Variants in RNF144A observed in about 807,000 individuals in gnomAD.
RNF144A encodes E3 ubiquitin-protein ligase RNF144A.
RNF144A carries 11 observed loss-of-function variants against 38.7 expected under a neutral mutation model. The ratio of observed to expected loss-of-function variants is 0.28; its 90% CI spans 0.18 to 0.47. The LOEUF is 0.47. Among genes scored for constraint, RNF144A ranks in the 20% least tolerant of loss-of-function variants. The probability of loss-of-function intolerance (pLI) is 0.99; values close to 1 mark genes in which losing one functional copy is unlikely to be tolerated. For synonymous variants in RNF144A, 149 were observed against 143.9 expected (o/e 1.04, Z -0.25); for missense variants, 316 against 377.2 (o/e 0.84, Z 1.34).
downstream of RNF144A, among the ~76,000 whole-genome samples, chr2:7,049,047 T>C (rs1385051309): frequency 6.6e-6 from 1 of 152,188 alleles, no homozygotes. Flanking sequence ...AGAGGGTTTG[T>C]GGGGCCCTAT....
At chr2:6,979,104 T>C (rs1264715880) in intron 2 of RNF144A, among the ~76,000 whole-genome samples, 3 of 152,098 alleles carry the variant, frequency 2.0e-5, no homozygotes, top group Non-Finnish European at 2.9e-5. Context: ...AGTTCTAGAA[T>C]AGTGGGCGAG....
chr2:7,028,870 C>T (rs1020560766), intron 7 of RNF144A, among the ~76,000 whole-genome samples: 2 of 152,118 alleles, frequency 1.3e-5, no homozygotes, highest in East Asian at 3.9e-4. Flanking sequence ...GTAGCTGGGA[C>T]CCCAGCCCCC....
At chr2:7,072,319 A>G (rs1489387985), downstream of RNF144A, among the ~76,000 whole-genome samples, 2 of 152,258 alleles carry the variant, frequency 1.3e-5, no homozygotes, top group Admixed American at 6.5e-5. Context: ...TGTGGAAAGT[A>G]GAACTTGTAA....
intron 3 of RNF144A, among the ~76,000 whole-genome samples, chr2:7,013,290 T>C (rs898714362): frequency 7.2e-5 from 11 of 152,226 alleles, no homozygotes; most frequent in Non-Finnish European, 1.2e-4. Flanking sequence ...GAGAGATTAA[T>C]AGGCTTGTTC....
chr2:7,076,128 A>G, the RNF144A span, among the ~76,000 whole-genome samples: 1 of 152,202 alleles, frequency 6.6e-6, no homozygotes, highest in Non-Finnish European at 1.5e-5. Context: ...CTGGATGTCC[A>G]TGCTTAAAAC....
At chr2:7,012,924 A>C (rs1244265312) in intron 3 of RNF144A, among the ~76,000 whole-genome samples, 11 of 152,244 alleles carry the variant, frequency 7.2e-5, no homozygotes, top group Non-Finnish European at 4.4e-5. Flanking sequence ...GAGCCCAGGC[A>C]GATCAAAAGA....
intron 2 of RNF144A, among the ~76,000 whole-genome samples, chr2:6,954,444 C>T (rs1165864789): frequency 1.3e-5 from 2 of 152,168 alleles, no homozygotes; most frequent in Non-Finnish European, 2.9e-5. Context: ...GGTTTATAAG[C>T]TACGATGCTT....
At chr2:6,924,480 G>A (rs1383680878) in intron 1 of RNF144A, among the ~76,000 whole-genome samples, 1 of 152,250 alleles carries the variant, frequency 6.6e-6, no homozygotes, top group Non-Finnish European at 1.5e-5. Context: ...AGCATAGGTG[G>A]GCTTTGGAGA....
chr2:7,049,153 A>G (rs1653593980), downstream of RNF144A, among the ~76,000 whole-genome samples: 1 of 152,186 alleles, frequency 6.6e-6, no homozygotes, highest in Non-Finnish European at 1.5e-5. Context: ...TTGAGGGTTG[A>G]AGGCTGAATA....
At chr2:7,036,443 C>A (rs555303606) in intron 8 of RNF144A, among the ~76,000 whole-genome samples, 1 of 152,298 alleles carries the variant, frequency 6.6e-6, no homozygotes, top group Non-Finnish European at 1.5e-5. Flanking sequence ...AGAGACTGAG[C>A]CGAAGGACCA....
chr2:7,000,644 C>G (rs1670036389), intron 3 of RNF144A, among the ~76,000 whole-genome samples: 1 of 152,082 alleles, frequency 6.6e-6, no homozygotes, highest in South Asian at 2.1e-4. Flanking sequence ...AGATGATACT[C>G]TTATCCCAAA....
Position 7,005,138 on chromosome 2 carries a change from G to A in RNF144A, c.135+8077G>A, listed in dbSNP as rs150223849. ...GTGATATTGGCCTGCCCTGGTAAGA[G>A]TGAATGGTGGGAAATAGTTTTCAAA... On this transcript the variant is annotated intron_variant, in intron 3 of 8. Coordinates refer to ENST00000320892, the MANE Select transcript of RNF144A (RefSeq NM_014746.6). Among the ~76,000 whole-genome samples the A allele has an allele frequency of 6.9e-3, 1,054 of 152,356 alleles. 9 individuals carry two copies. The highest frequency in any genetic ancestry group is 0.022 in the African/African-American group (918 of 41,574).
rs1160067464 is a variant in RNF144A at position 7,041,563 on chromosome 2, TCTA to T, written c.*1806_*1808del. 6 of 986,066 alleles carry T rather than the reference TCTA, an allele frequency of 6.1e-6. No individual in the cohort carries two copies. Among genetic ancestry groups the T allele is most frequent in the Non-Finnish European group, 6.0e-6 (5 of 829,980 alleles). 61.1% of individuals were successfully genotyped at this position (986,066 alleles called of 1,614,324 possible). A position where few individuals can be genotyped will look rare whatever the true frequency, so the allele number is the denominator to read the frequency against. On this transcript the variant is annotated 3_prime_UTR_variant, in exon 9 of 9. Transcript: ENST00000320892. ...TGTCGTTTGTGGTGCTGTGATGGTG[TCTA>T]CTGTTAGAATAGCTTTTCTGGAGGT...
chr2:7,068,903 C>T (rs925473922), downstream of RNF144A, among the ~76,000 whole-genome samples: 1 of 152,202 alleles, frequency 6.6e-6, no homozygotes, highest in African/African-American at 2.4e-5. Flanking sequence ...GTAGAGGCTG[C>T]CTGGCACCTC....
chr2:6,930,802 C>T lies in RNF144A; in HGVS notation c.-211-10146C>T, dbSNP rs111526882. On this transcript the variant is annotated intron_variant, in intron 1 of 8. Coordinates refer to ENST00000320892, the MANE Select transcript of RNF144A (RefSeq NM_014746.6). The stretch of plus-strand genomic sequence containing the variant: ...AGAGGGGGGGATTTGCCATGTTGCC[C>T]GGGCTGGTCTTGAATTTTTGAGCTC... 2.1e-3 allele frequency among the ~76,000 whole-genome samples: 313 copies of T among 152,036 alleles called. 2 individuals are homozygous for T. Among genetic ancestry groups the T allele is most frequent in the African/African-American group, 7.2e-3 (298 of 41,456 alleles).
intron 8 of RNF144A, among the ~76,000 whole-genome samples, chr2:7,033,947 G>A (rs567236492): frequency 1.4e-4 from 22 of 152,250 alleles, no homozygotes; most frequent in African/African-American, 4.3e-4. Flanking sequence ...TCGTGCCTTC[G>A]GCGGCTTTCT....
intron 2 of RNF144A, among the ~76,000 whole-genome samples, chr2:6,972,329 A>T (rs1668046419): frequency 6.6e-6 from 1 of 152,220 alleles, no homozygotes; most frequent in Non-Finnish European, 1.5e-5. Context: ...TTTGGGAGAT[A>T]ACTTTCCTCC....
chr2:7,001,698 C>T (rs761243923), intron 3 of RNF144A, among the ~76,000 whole-genome samples: 1 of 152,028 alleles, frequency 6.6e-6, no homozygotes, highest in Middle Eastern at 3.2e-3. Context: ...AAAACAAAAA[C>T]GTAACATTTA....
At chr2:7,044,717 T>C (rs1271801930), downstream of RNF144A, among the ~76,000 whole-genome samples, 2 of 152,224 alleles carry the variant, frequency 1.3e-5, no homozygotes, top group African/African-American at 4.8e-5. Context: ...TTCATTCACC[T>C]CACTCCAGCT....
Sources: allele counts gnomAD v4.1 joint callset (sites outside exome capture counted in the v4.1 genomes callset), GRCh38; gene constraint gnomAD v4.1.1; transcripts MANE v1.5; gene names NCBI Gene and HGNC (gene_info 2026-07-23, HGNC 2026-07-21).